The following NEBL variants were observed in gnomAD, a reference collection of about 807,000 sequenced individuals.
NEBL encodes the protein LIM and SH3 protein 2.
In NEBL, 122 loss-of-function variants were observed where a neutral mutation model predicts 140.2. The observed-to-expected ratio is 0.87, with a 90% confidence interval of 0.75 to 1.01. The LOEUF (loss-of-function observed/expected upper bound fraction) is 1.01, where lower values mean the gene tolerates loss of function less well. NEBL is among the 50% of genes least tolerant of loss of function. The pLI is 0.00. For synonymous variants in NEBL, 436 were observed against 398.9 expected (o/e 1.09, Z -1.11); for missense variants, 1,365 against 1,231.3 (o/e 1.11, Z -1.62).
intron 2 of NEBL, among the ~76,000 whole-genome samples, chr10:21,031,749 T>C (rs183553541): frequency 1.3e-5 from 2 of 152,264 alleles, no homozygotes; most frequent in East Asian, 3.9e-4. Flanking sequence ...GCCCAAGTTG[T>C]AGAAGACCTG....
At chr10:20,957,141 G>A (rs1291081685) in intron 4 of NEBL, among the ~76,000 whole-genome samples, 1 of 152,068 alleles carries the variant, frequency 6.6e-6, no homozygotes. Flanking sequence ...TCTTTTAATA[G>A]CCCATAGACA....
rs1835347193 is a variant in NEBL, at chr10:20,785,677, A to G, written c.*70T>C. 4 of 1,511,478 alleles carry G rather than the reference A, an allele frequency of 2.6e-6. No homozygotes were observed. The highest frequency in any genetic ancestry group is 2.7e-6 in the Non-Finnish European group (3 of 1,105,852). 93.6% of individuals were successfully genotyped at this position (1,511,478 alleles called of 1,614,324 possible). A position where few individuals can be genotyped will look rare whatever the true frequency, so the allele number is the denominator to read the frequency against. On this transcript the variant is annotated 3_prime_UTR_variant, in exon 28 of 28. Transcript: ENST00000377122. ...ATAATGGCCAAGTTGTCTTAAAAGT[A>G]TCTTCTATCTTTTAAAAAGATTAGG...
intron 2 of NEBL, chr10:21,125,957 C>G (rs1193475082): frequency 6.2e-7 from 1 of 1,614,104 alleles, no homozygotes; most frequent in African/African-American, 1.3e-5. Flanking sequence ...GCCCAGTTGC[C>G]TGGATCTGGT....
chr10:21,181,963 T>C (rs1841395465), intron 3 of NEBL, among the ~76,000 whole-genome samples: 1 of 152,072 alleles, frequency 6.6e-6, no homozygotes, highest in African/African-American at 2.4e-5. Context: ...CTGGAGGAAG[T>C]GAGGAGGTGG....
rs528164655 is a variant in NEBL at position 20,831,192 on chromosome 10, C to T, written c.1671+4G>A. Reference sequence around the variant, plus strand: ...GATTCTGAGCATCTTCATTCATGACCAACCTGGCTATAGATTTCAGATGTC... The same window carrying T: ...GATTCTGAGCATCTTCATTCATGACTAACCTGGCTATAGATTTCAGATGTC... On this transcript the variant is annotated splice_donor_region_variant and intron_variant, in intron 16 of 27. Transcript: ENST00000377122. The T allele has an allele frequency of 4.4e-6, 7 of 1,602,960 alleles. No homozygotes were observed. The African/African-American group carries it at 5.4e-5, about 12-fold the overall frequency.
At chr10:21,110,537 T>C (rs917602351) in intron 2 of NEBL, 2 of 207,872 alleles carry the variant, frequency 9.6e-6, no homozygotes, top group South Asian at 7.6e-5. Context: ...TATCTTTTTT[T>C]CTTAATCATT....
chr10:21,090,090 C>T (rs1246647222), intron 2 of NEBL, among the ~76,000 whole-genome samples: 1 of 152,176 alleles, frequency 6.6e-6, no homozygotes, highest in Non-Finnish European at 1.5e-5. Context: ...AGGCATCTTC[C>T]AGGTGCACTG....
chr10:21,003,651 G>A (rs550260275), intron 3 of NEBL, among the ~76,000 whole-genome samples: 5 of 152,218 alleles, frequency 3.3e-5, no homozygotes, highest in East Asian at 1.9e-4. Flanking sequence ...AATCGACTTC[G>A]GTTGTACACA....
intron 4 of NEBL, among the ~76,000 whole-genome samples, chr10:20,936,550 A>T (rs943911165): frequency 2.0e-5 from 3 of 152,234 alleles, no homozygotes; most frequent in African/African-American, 7.2e-5. Context: ...TCCTTTTACA[A>T]TTAGGTCTGG....
chr10:21,136,882 G>A (rs1310062440), intron 2 of NEBL, among the ~76,000 whole-genome samples: 1 of 152,212 alleles, frequency 6.6e-6, no homozygotes, highest in Non-Finnish European at 1.5e-5. Context: ...TGGAGGAGTT[G>A]CTTATTGCCC....
Position 20,780,556 on chromosome 10 carries a change from C to T in NEBL, c.*5191G>A, listed in dbSNP as rs774488421. The T allele has an allele frequency of 1.3e-5, 2 of 152,122 alleles. No individual in the cohort carries two copies. Among genetic ancestry groups the T allele is most frequent in the Non-Finnish European group, 2.9e-5 (2 of 68,028 alleles). 9.4% of individuals were successfully genotyped at this position (152,122 alleles called of 1,614,324 possible). On this transcript the variant is annotated 3_prime_UTR_variant, in exon 28 of 28. Transcript: ENST00000377122. Reference sequence around the variant, plus strand: ...GAGTTGTCATGTTAAATCTCAGACCCGGGGTATTATTAGGGTGCATTGCTT... The same window carrying T: ...GAGTTGTCATGTTAAATCTCAGACCTGGGGTATTATTAGGGTGCATTGCTT...
At chr10:20,993,665 A>G (rs1837556931) in intron 3 of NEBL, among the ~76,000 whole-genome samples, 1 of 152,172 alleles carries the variant, frequency 6.6e-6, no homozygotes, top group South Asian at 2.1e-4. Context: ...TGTTTGTTCA[A>G]AGCCCATTGG....
At chr10:21,235,907 G>A (rs2132259145) in intron 3 of NEBL, among the ~76,000 whole-genome samples, 1 of 152,208 alleles carries the variant, frequency 6.6e-6, no homozygotes, top group Non-Finnish European at 1.5e-5. Flanking sequence ...TGAAACATAG[G>A]TCATCAGTCA....
intron 3 of NEBL, among the ~76,000 whole-genome samples, chr10:20,994,543 C>T (rs1475706436): frequency 6.6e-6 from 1 of 152,104 alleles, no homozygotes; most frequent in African/African-American, 2.4e-5. Context: ...TATAAAAAGC[C>T]AACAGTTGAC....
intron 3 of NEBL, among the ~76,000 whole-genome samples, chr10:21,202,461 CTTTTTTTTT>C (rs35623208): frequency 2.6e-5 from 3 of 117,294 alleles, no homozygotes; most frequent in Admixed American, 1.8e-4. Context: ...TTTTCTTTTT[CTTTTTTTTT>C]TTTTTTTTTT....
At chr10:21,207,591 A>C (rs981731302) in intron 3 of NEBL, among the ~76,000 whole-genome samples, 1 of 151,934 alleles carries the variant, frequency 6.6e-6, no homozygotes, top group Non-Finnish European at 1.5e-5. Flanking sequence ...GGACTACATC[A>C]TGGGCTCTCA....
At position 20,840,778 on chromosome 10, in the gene NEBL, ATCAAGAACT is replaced by A. The variant is rs1158286244; in HGVS notation, c.1290_1298del (p.Glu430_Leu432del). 3.8e-5 allele frequency: 62 copies of A among 1,611,978 alleles called. No homozygotes were observed. The highest frequency in any genetic ancestry group is 5.0e-5 in the Non-Finnish European group (59 of 1,178,636). On this transcript the variant is annotated inframe_deletion, in exon 13 of 28. Transcript: ENST00000377122. ...CAGAGGCTCGCTTTGCTCTTTGGAT[ATCAAGAACT>A]TCTGAATTAAGTTCCATTCCTTTCC...
At chr10:21,197,205 A>G (rs1467920263) in intron 3 of NEBL, among the ~76,000 whole-genome samples, 2 of 152,222 alleles carry the variant, frequency 1.3e-5, no homozygotes, top group Admixed American at 6.5e-5. Context: ...CAGAATCCCT[A>G]TGAGGTTGTT....
rs149793273 is a variant in NEBL, at chr10:20,890,740, C to G, written c.154-791G>C. ...TGGGGATAGGCCAGAATTGTTATGC[C>G]GGGGGAAGACCCGGGTGGATATTTG... On this transcript the variant is annotated intron_variant, in intron 2 of 27. Transcript: ENST00000377122. 3.8e-3 allele frequency among the ~76,000 whole-genome samples: 579 copies of G among 152,258 alleles called. 2 individuals are homozygous for G. The highest frequency in any genetic ancestry group is 0.013 in the African/African-American group (547 of 41,550).
Sources: allele counts gnomAD v4.1 joint callset (sites outside exome capture counted in the v4.1 genomes callset), GRCh38; gene constraint gnomAD v4.1.1; transcripts MANE v1.5; gene names NCBI Gene and HGNC (gene_info 2026-07-23, HGNC 2026-07-21).